The following SBF2 variants were observed in gnomAD, a reference collection of about 807,000 sequenced individuals.
The protein encoded by SBF2 is SET binding factor 2.
SBF2 carries 112 observed loss-of-function variants against 225.2 expected under a neutral mutation model. The observed-to-expected ratio is 0.50, with a 90% confidence interval of 0.43 to 0.58. The LOEUF is 0.58. SBF2 is among the 20% of genes least tolerant of loss of function. The pLI, the probability that SBF2 is intolerant of heterozygous loss-of-function variation, is 0.00. For missense variants in SBF2, 1,996 were observed against 2,206.2 expected, an observed-to-expected ratio of 0.90 and a Z score of 1.91; for synonymous variants, 763 against 773.3, an observed-to-expected ratio of 0.99 and a Z score of 0.22.
intron 16 of SBF2, among the ~76,000 whole-genome samples, chr11:9,927,748 A>G (rs1864164081): frequency 6.6e-6 from 1 of 152,194 alleles, no homozygotes; most frequent in Non-Finnish European, 1.5e-5. Context: ...TTGATTCCTC[A>G]GTATCCTAGG....
Position 10,294,205 on chromosome 11 carries a change from A to C in SBF2, c.-136T>G. On this transcript the variant is annotated 5_prime_UTR_variant, in exon 1 of 40. Transcript: ENST00000256190. ...GGCAGCGCTTCAGCCATGTTTGACA[A>C]CCGAGGCGCGCTCTGCGCTTGCGCG... The C allele has an allele frequency of 4.9e-6, 3 of 609,248 alleles. No individual in the cohort carries two copies. The highest frequency in any genetic ancestry group is 6.3e-5 in the South Asian group (1 of 15,804). 37.7% of individuals were successfully genotyped at this position (609,248 alleles called of 1,614,324 possible). A position where few individuals can be genotyped will look rare whatever the true frequency, so the allele number is the denominator to read the frequency against.
At chr11:10,185,773 C>G (rs1956911968) in intron 2 of SBF2, among the ~76,000 whole-genome samples, 1 of 152,156 alleles carries the variant, frequency 6.6e-6, no homozygotes, top group East Asian at 1.9e-4. Flanking sequence ...GTACTATGTT[C>G]TGATGAGTGG....
chr11:9,789,579 T>TAGA (rs1362659989), intron 34 of SBF2, among the ~76,000 whole-genome samples: 1 of 152,186 alleles, frequency 6.6e-6, no homozygotes, highest in East Asian at 1.9e-4. Context: ...GAAGGTCAAG[T>TAGA]TCAATAGAGA....
chr11:10,049,929 C>T (rs1232518951), intron 2 of SBF2, among the ~76,000 whole-genome samples: 1 of 152,102 alleles, frequency 6.6e-6, no homozygotes, highest in Non-Finnish European at 1.5e-5. Context: ...CTAAAATGAG[C>T]CTCAGAATCA....
chr11:10,017,425 G>A (rs1948697682), intron 6 of SBF2, among the ~76,000 whole-genome samples: 1 of 152,130 alleles, frequency 6.6e-6, no homozygotes, highest in Non-Finnish European at 1.5e-5. Context: ...TGTAAGTCAT[G>A]AAAAAGGAGG....
chr11:9,780,664 T>C (rs1851945364), intron 39 of SBF2, 148 bp from the exon 40 acceptor site: 9 of 709,434 alleles, frequency 1.3e-5, no homozygotes, highest in Non-Finnish European at 2.3e-5. Context: ...TACCATACTG[T>C]TATTGCCTTT....
intron 16 of SBF2, among the ~76,000 whole-genome samples, chr11:9,919,924 G>A (rs1863466710): frequency 6.6e-6 from 1 of 151,760 alleles, no homozygotes; most frequent in Non-Finnish European, 1.5e-5. Context: ...AGAGACAGGG[G>A]TTTCTCCATG....
chr11:10,294,107 G>A lies in SBF2; in HGVS notation c.-38C>T. 7.7e-7 allele frequency: 1 copy of A among 1,304,432 alleles called. No homozygotes were observed. The highest frequency in any genetic ancestry group is 9.8e-7 in the Non-Finnish European group (1 of 1,025,558). 80.8% of individuals were successfully genotyped at this position (1,304,432 alleles called of 1,614,324 possible). On this transcript the variant is annotated 5_prime_UTR_variant, in exon 1 of 40. An upstream open reading frame in the 5' UTR gains an earlier in-frame stop. Transcript: ENST00000256190. ...CGCGCTCGGGAAGCGGGTCCCCGTC[G>A]CCGCCCTCGCCGCCGCCGCCCACCC...
At chr11:9,884,529 C>A (rs896653655) in intron 17 of SBF2, among the ~76,000 whole-genome samples, 2 of 152,214 alleles carry the variant, frequency 1.3e-5, no homozygotes, top group African/African-American at 4.8e-5. Context: ...CCATTGGAAG[C>A]TGACTCTAAC....
intron 1 of SBF2, among the ~76,000 whole-genome samples, chr11:10,247,029 G>T (rs1175688632): frequency 6.6e-6 from 1 of 152,182 alleles, no homozygotes; most frequent in Non-Finnish European, 1.5e-5. Flanking sequence ...CGAAGTAAAA[G>T]TGTGCTATGA....
chr11:10,067,652 T>C (rs1950677949), intron 2 of SBF2, among the ~76,000 whole-genome samples: 3 of 152,072 alleles, frequency 2.0e-5, no homozygotes, highest in Non-Finnish European at 2.9e-5. Flanking sequence ...CTCAGCACCA[T>C]GGGAGGCCAA....
intron 6 of SBF2, among the ~76,000 whole-genome samples, chr11:10,015,852 T>C (rs944526303): frequency 3.3e-5 from 5 of 152,076 alleles, no homozygotes; most frequent in Non-Finnish European, 7.4e-5. Context: ...CACCAGGCTG[T>C]AGTGCAATGG....
chr11:9,825,867 T>C (rs1361927611), intron 28 of SBF2, among the ~76,000 whole-genome samples: 1 of 152,198 alleles, frequency 6.6e-6, no homozygotes, highest in African/African-American at 2.4e-5. Flanking sequence ...ATGGGCCTGG[T>C]GAGTTTTAGT....
chr11:9,906,737 A>G (rs1046997880), intron 16 of SBF2, among the ~76,000 whole-genome samples: 10 of 152,222 alleles, frequency 6.6e-5, no homozygotes, highest in African/African-American at 1.9e-4. Flanking sequence ...CTTTGGCCAA[A>G]TAATAGCATT....
At chr11:10,187,990 G>A (rs1186003777) in intron 2 of SBF2, among the ~76,000 whole-genome samples, 1 of 152,114 alleles carries the variant, frequency 6.6e-6, no homozygotes, top group East Asian at 1.9e-4. Flanking sequence ...ATTAACAGAT[G>A]ATCATCTAAT....
chr11:10,204,612 C>A lies in SBF2; in HGVS notation c.56-10625G>T, dbSNP rs960533700. On this transcript the variant is annotated intron_variant, in intron 1 of 39. Transcript: ENST00000256190. ...GGCGGAGGTTGCAGTGAGCCAAGAT[C>A]ATGCCACTACACTCCAGCCTGGGTG... Among the ~76,000 whole-genome samples the A allele has an allele frequency of 4.0e-5, 6 of 150,648 alleles. 1 individual carries two copies. The highest frequency in any genetic ancestry group is 7.4e-5 in the Non-Finnish European group (5 of 67,794).
chr11:10,131,608 A>G (rs1954057600), intron 2 of SBF2, among the ~76,000 whole-genome samples: 1 of 151,938 alleles, frequency 6.6e-6, no homozygotes, highest in South Asian at 2.1e-4. Context: ...TAATTTTTGT[A>G]TTTTTAGTAG....
intron 16 of SBF2, chr11:9,915,677 T>C (rs1863024232): frequency 6.6e-6 from 1 of 152,152 alleles, no homozygotes; most frequent in Admixed American, 6.6e-5. Flanking sequence ...CTGTCATATT[T>C]AGAAAGGTTA....
intron 2 of SBF2, among the ~76,000 whole-genome samples, chr11:10,109,873 G>C (rs1198861427): frequency 6.6e-6 from 1 of 152,146 alleles, no homozygotes; most frequent in Non-Finnish European, 1.5e-5. Context: ...ATATTATGAA[G>C]CACAAAACAT....
Sources: gnomAD v4.1 joint callset for allele counts (sites outside exome capture counted in the v4.1 genomes callset) on GRCh38, gnomAD v4.1.1 for gene constraint, MANE v1.5 for transcripts, NCBI Gene and HGNC (gene_info 2026-07-23, HGNC 2026-07-21) for gene names.